SDK1: variants seen among roughly 807,000 people sequenced by gnomAD.
The protein encoded by SDK1 is protein sidekick-1.
A neutral mutation model predicts 245.5 loss-of-function variants in SDK1; 157 were observed. The observed-to-expected ratio is 0.64, with a 90% CI of 0.56 to 0.73. SDK1 has a LOEUF of 0.73. Among genes scored for constraint, SDK1 ranks in the 30% least tolerant of loss-of-function variants. The pLI, the probability that SDK1 is intolerant of heterozygous loss-of-function variation, is 0.00. For missense variants in SDK1, 3,583 were observed against 3,002.3 expected, an observed-to-expected ratio of 1.19 and a Z score of -4.52; for synonymous variants, 1,647 against 1,278.5, an observed-to-expected ratio of 1.29 and a Z score of -6.15.
At chr7:4,031,101 A>G (rs1461178818) in intron 17 of SDK1, among the ~76,000 whole-genome samples, 3 of 152,194 alleles carry the variant, frequency 2.0e-5, no homozygotes, top group African/African-American at 2.4e-5. Context: ...ACACACATGC[A>G]TGTGGACACG....
chr7:3,913,012 A>G (rs1779232150), intron 5 of SDK1, among the ~76,000 whole-genome samples: 1 of 152,144 alleles, frequency 6.6e-6, no homozygotes, highest in African/African-American at 2.4e-5. Context: ...TCTTCTCTTC[A>G]TCTTCCCCTC....
intron 13 of SDK1, among the ~76,000 whole-genome samples, chr7:3,985,649 C>T (rs1238646121): frequency 6.6e-6 from 1 of 152,156 alleles, no homozygotes; most frequent in African/African-American, 2.4e-5. Flanking sequence ...AAGAAACAAA[C>T]TATTCCTTTT....
intron 1 of SDK1, among the ~76,000 whole-genome samples, chr7:3,610,954 T>A (rs958860399): frequency 6.6e-6 from 1 of 152,238 alleles, no homozygotes; most frequent in East Asian, 1.9e-4. Context: ...GAGTACAAAA[T>A]GATGACTTTG....
intron 4 of SDK1, among the ~76,000 whole-genome samples, chr7:3,709,147 C>T (rs984884733): frequency 4.6e-5 from 7 of 152,204 alleles, no homozygotes; most frequent in African/African-American, 1.7e-4. Context: ...GTGACAAATT[C>T]TCTCAGCATT....
chr7:3,771,369 C>T (rs541050154), intron 4 of SDK1, among the ~76,000 whole-genome samples: 4 of 152,098 alleles, frequency 2.6e-5, no homozygotes, highest in Admixed American at 1.3e-4. Context: ...GAGGAAAGGA[C>T]GTGCTTCCTG....
chr7:3,551,119 T>A (rs1018088848), intron 1 of SDK1, among the ~76,000 whole-genome samples: 4 of 152,232 alleles, frequency 2.6e-5, no homozygotes, highest in African/African-American at 9.6e-5. Flanking sequence ...TTTTCGTTTT[T>A]GTTCTTTTGT....
chr7:3,728,242 CTT>C lies in SDK1; in HGVS notation c.713+86139_713+86140del, dbSNP rs201263287. ...TCCACTGTAAAGTTACTCCGTTTCTCTTTGTTTTTGTACTACTTCTACCTATT... is the reference window on the plus strand; with the variant it reads ...TCCACTGTAAAGTTACTCCGTTTCTCTGTTTTTGTACTACTTCTACCTATT... On this transcript the variant is annotated intron_variant, in intron 4 of 44. Transcript: ENST00000404826. Among the ~76,000 whole-genome samples the C allele has an allele frequency of 4.0e-3, 608 of 152,310 alleles. 9 individuals are homozygous for C. Among genetic ancestry groups the C allele is most frequent in the African/African-American group, 0.013 (560 of 41,564 alleles).
At chr7:3,817,142 A>G (rs1779527757) in intron 4 of SDK1, among the ~76,000 whole-genome samples, 1 of 152,186 alleles carries the variant, frequency 6.6e-6, no homozygotes, top group Admixed American at 6.5e-5. Context: ...ACCAAAGACA[A>G]TTTATATTTT....
chr7:3,694,513 C>CA (rs963001971), intron 4 of SDK1, among the ~76,000 whole-genome samples: 17 of 152,120 alleles, frequency 1.1e-4, no homozygotes, highest in African/African-American at 3.1e-4. Flanking sequence ...AATTACACCT[C>CA]AGTCGGGGAC....
intron 1 of SDK1, among the ~76,000 whole-genome samples, chr7:3,469,171 C>T (rs113003096): frequency 6.6e-6 from 1 of 152,024 alleles, no homozygotes; most frequent in African/African-American, 2.4e-5. Flanking sequence ...ACCTGTAATC[C>T]CAGCACCTTG....
rs552915996 is a variant in SDK1, at chr7:4,206,744, C to T, written c.5214+750C>T. ...GCATCCGGGGTCTTTGCCATGAAAA[C>T]GCCCCCATCCTTCTCCTAAATAAAT... On this transcript the variant is annotated intron_variant, in intron 36 of 44. Transcript: ENST00000404826. 1.4e-4 allele frequency among the ~76,000 whole-genome samples: 22 copies of T among 152,266 alleles called. No individual in the cohort carries two copies. The South Asian group carries it at 3.9e-3, about 27-fold the overall frequency.
intron 14 of SDK1, among the ~76,000 whole-genome samples, chr7:3,987,826 A>G (rs562274846): frequency 6.6e-6 from 1 of 151,922 alleles, no homozygotes; most frequent in Non-Finnish European, 1.5e-5. Flanking sequence ...TCCGTGGGCC[A>G]CTCACAGCCT....
At chr7:4,264,188 G>A (rs144090751) in intron 44 of SDK1, among the ~76,000 whole-genome samples, 2,853 of 72,326 alleles carry the variant, frequency 0.039, 85 homozygotes, top group Non-Finnish European at 0.058. Flanking sequence ...GGGGGAGGCC[G>A]CGTAGACCTC....
intron 31 of SDK1, among the ~76,000 whole-genome samples, chr7:4,158,968 C>T (rs549417881): frequency 1.1e-4 from 17 of 152,310 alleles, no homozygotes; most frequent in African/African-American, 3.6e-4. Context: ...CGTTTTCAGC[C>T]GCTCCGTCCT....
At chr7:4,237,878 CT>C (rs1786279235) in intron 42 of SDK1, 94 bp downstream of exon 42, 2 of 1,436,712 alleles carry the variant, frequency 1.4e-6, no homozygotes, top group Admixed American at 1.9e-5. Context: ...CCCGTGTCTG[CT>C]TTTCCATTTC....
At position 3,585,233 on chromosome 7, in the gene SDK1, T is replaced by C. The variant is rs899337619; in HGVS notation, c.299-33847T>C. On this transcript the variant is annotated intron_variant, in intron 1 of 44. Coordinates refer to ENST00000404826, the MANE Select transcript of SDK1 (RefSeq NM_152744.4). The stretch of plus-strand genomic sequence containing the variant: ...TGTTTCACAGACTCACTTTGGAAAA[T>C]GGCTACGTAGGCTGAACTCAGACAT... 2.6e-5 allele frequency among the ~76,000 whole-genome samples: 4 copies of C among 152,140 alleles called. No individual in the cohort carries two copies. The South Asian group carries it at 8.3e-4, about 31-fold the overall frequency.
At chr7:3,887,593 A>T (rs1172722055) in intron 5 of SDK1, among the ~76,000 whole-genome samples, 6 of 152,058 alleles carry the variant, frequency 3.9e-5, no homozygotes, top group Non-Finnish European at 7.3e-5. Flanking sequence ...GCTATTGCTA[A>T]TAAAATTCAT....
At chr7:3,615,435 A>T (rs73673648) in intron 1 of SDK1, among the ~76,000 whole-genome samples, 1 of 151,608 alleles carries the variant, frequency 6.6e-6, no homozygotes. Flanking sequence ...AGCAGGCAGA[A>T]CTCTTGGAAC....
chr7:3,429,767 T>C (rs1011223002), intron 1 of SDK1, among the ~76,000 whole-genome samples: 2 of 152,060 alleles, frequency 1.3e-5, no homozygotes, highest in South Asian at 4.2e-4. Flanking sequence ...TGGCTTTTTT[T>C]TTTTTTGTAG....
Sources: gnomAD v4.1 joint callset for allele counts (sites outside exome capture counted in the v4.1 genomes callset) on GRCh38, gnomAD v4.1.1 for gene constraint, MANE v1.5 for transcripts, NCBI Gene and HGNC (gene_info 2026-07-23, HGNC 2026-07-21) for gene names.